Variants in LRBA observed in about 807,000 individuals in gnomAD.
LRBA encodes the protein LPS responsive beige-like anchor protein, also known as lipopolysaccharide-responsive and beige-like anchor protein.
Under a neutral mutation model 330.0 loss-of-function variants are expected in LRBA, and 176 were observed. The ratio of observed to expected loss-of-function variants is 0.53; its 90% CI spans 0.47 to 0.60. The LOEUF is 0.60. LRBA is among the 20% of genes least tolerant of loss of function. LRBA has a pLI of 0.00. For synonymous variants in LRBA, 1,230 were observed against 1,193.0 expected (o/e 1.03, Z -0.64); for missense variants, 3,259 against 3,444.8 (o/e 0.95, Z 1.35).
rs149399395 is a variant in LRBA, at chr4:150,410,699, A to ATAG, written c.7194+4736_7194+4738dup. ...TATTGTCTCTTATTCATCGAATCTA[A>ATAG]TAGTGCTGGTCCATAAGCAAGCACC... On this transcript the variant is annotated intron_variant, in intron 47 of 56. Transcript: ENST00000651943. 1.3e-3 allele frequency among the ~76,000 whole-genome samples: 196 copies of ATAG among 152,300 alleles called. 3 individuals carry two copies. In the East Asian group the frequency reaches 0.036, roughly 28 times the overall value.
chr4:150,588,602 T>C (rs1156437147), intron 39 of LRBA, among the ~76,000 whole-genome samples: 4 of 152,180 alleles, frequency 2.6e-5, no homozygotes, highest in Non-Finnish European at 5.9e-5. Context: ...TAGCTTACAG[T>C]ATGGTAGAGG....
intron 47 of LRBA, among the ~76,000 whole-genome samples, chr4:150,362,469 C>T (rs796372011): frequency 2.0e-5 from 3 of 152,292 alleles, no homozygotes; most frequent in African/African-American, 7.2e-5. Flanking sequence ...TCACTGCTCT[C>T]CTTAAAACTT....
intron 42 of LRBA, among the ~76,000 whole-genome samples, chr4:150,478,595 G>A (rs908066138): frequency 8.6e-5 from 13 of 152,034 alleles, no homozygotes; most frequent in East Asian, 1.9e-4. Flanking sequence ...AATAGGCTCC[G>A]GTCTTATATA....
chr4:150,425,141 T>A (rs530952207), intron 46 of LRBA, among the ~76,000 whole-genome samples: 1 of 152,246 alleles, frequency 6.6e-6, no homozygotes, highest in Admixed American at 6.5e-5. Context: ...AAATTATCTC[T>A]TTTGACAGAT....
At chr4:150,831,781 A>T in intron 29 of LRBA, 36 bp downstream of exon 29, 1 of 1,493,040 alleles carries the variant, frequency 6.7e-7, no homozygotes, top group African/African-American at 1.4e-5. Context: ...CATTTATTTG[A>T]ACTTTGGTAC....
chr4:150,677,771 C>A (rs1338211644), intron 37 of LRBA, among the ~76,000 whole-genome samples: 3 of 150,234 alleles, frequency 2.0e-5, no homozygotes, highest in Non-Finnish European at 3.0e-5. Context: ...GCCACTGCAT[C>A]CAGCCTAGGT....
chr4:150,681,895 G>A (rs1783085724), intron 37 of LRBA, among the ~76,000 whole-genome samples: 1 of 151,922 alleles, frequency 6.6e-6, no homozygotes, highest in Admixed American at 6.6e-5. Flanking sequence ...ACATTTCATG[G>A]TCCATTTAGC....
chr4:150,991,874 A>G (rs1324837509), intron 2 of LRBA, among the ~76,000 whole-genome samples: 1 of 152,232 alleles, frequency 6.6e-6, no homozygotes, highest in East Asian at 1.9e-4. Flanking sequence ...TGATCTAATG[A>G]GAGAAATATA....
At chr4:150,847,242 TCAA>T (rs1384506854) in intron 26 of LRBA, among the ~76,000 whole-genome samples, 1 of 152,116 alleles carries the variant, frequency 6.6e-6, no homozygotes, top group Non-Finnish European at 1.5e-5. Flanking sequence ...ACCGTGAAAA[TCAA>T]CAATGACAAA....
intron 2 of LRBA, among the ~76,000 whole-genome samples, chr4:150,982,140 A>C (rs1407320412): frequency 6.6e-6 from 1 of 152,186 alleles, no homozygotes; most frequent in East Asian, 1.9e-4. Flanking sequence ...GAAAAATAGA[A>C]GACCCACCAT....
chr4:150,552,876 T>G (rs1353104678), intron 40 of LRBA, among the ~76,000 whole-genome samples: 1 of 151,760 alleles, frequency 6.6e-6, no homozygotes, highest in African/African-American at 2.4e-5. Flanking sequence ...GAGACCATCC[T>G]GGATAGCACG....
chr4:150,643,870 G>C (rs1264522770), intron 37 of LRBA, among the ~76,000 whole-genome samples: 1 of 151,760 alleles, frequency 6.6e-6, no homozygotes, highest in East Asian at 1.9e-4. Context: ...ATTTTTATTG[G>C]AACAGAGCCA....
At chr4:150,300,998 T>C (rs1729604672) in intron 53 of LRBA, among the ~76,000 whole-genome samples, 2 of 152,032 alleles carry the variant, frequency 1.3e-5, no homozygotes, top group African/African-American at 4.8e-5. Flanking sequence ...TGAAATACCT[T>C]ACATTTTTAA....
intron 48 of LRBA, among the ~76,000 whole-genome samples, chr4:150,331,330 G>T (rs547021678): frequency 3.4e-4 from 52 of 152,310 alleles, no homozygotes; most frequent in Non-Finnish European, 6.5e-4. Flanking sequence ...AGCAAGGTGG[G>T]TTGGTAATAG....
chr4:150,321,240 T>G lies in LRBA; in HGVS notation c.7581A>C (p.Thr2527=), dbSNP rs749115823. 5 of 1,611,240 alleles carry G rather than the reference T, an allele frequency of 3.1e-6. No individual in the cohort carries two copies. ...CCGCAAATAACCTGTTAGCAGTGACTGTGATCACAGCGGGAGTTGCCAAAC... is the reference window on the plus strand; with the variant it reads ...CCGCAAATAACCTGTTAGCAGTGACGGTGATCACAGCGGGAGTTGCCAAAC... The part of the protein sequence containing the change: ...QPGLATPAVI[T]VTANRLFAVN... The change falls in exon 50 of 57, where the codon ACA becomes ACC. Residue 2527 remains threonine, a synonymous_variant. Coordinates refer to ENST00000651943, the MANE Select transcript of LRBA (RefSeq NM_001364905.1). The surrounding 1 kb of genome is among the most constrained non-coding windows in gnomAD (Gnocchi z 4.5).
chr4:150,559,914 ATATATAAATATAAAT>A (rs1768070825), intron 40 of LRBA, among the ~76,000 whole-genome samples: 2 of 70,084 alleles, frequency 2.9e-5, no homozygotes, highest in African/African-American at 5.6e-5. Context: ...ATTATATATA[ATATATAAATATAAAT>A]ATATATATAT....
rs114284826 is a variant in LRBA, at chr4:150,825,708, A to G, written c.5171+2472T>C. Among the ~76,000 whole-genome samples, 650 of 152,210 alleles carry G rather than the reference A, an allele frequency of 4.3e-3. 4 individuals are homozygous for G. Among genetic ancestry groups the G allele is most frequent in the African/African-American group, 0.015 (629 of 41,524 alleles). On this transcript the variant is annotated intron_variant, in intron 30 of 56. Coordinates refer to ENST00000651943, the MANE Select transcript of LRBA (RefSeq NM_001364905.1). ...CTCTCCCAGTTCTCATATATTTTTC[A>G]TCATGTTTACTGCAATATTATAAAC...
At chr4:150,639,588 CAAAAAAA>C (rs879128535) in intron 37 of LRBA, among the ~76,000 whole-genome samples, 4 of 46,266 alleles carry the variant, frequency 8.6e-5, no homozygotes, top group Non-Finnish European at 1.8e-4. Flanking sequence ...GCAGAAGGAG[CAAAAAAA>C]AAAAAAAAAA....
chr4:150,501,851 T>G (rs1760324484), intron 40 of LRBA, among the ~76,000 whole-genome samples: 1 of 152,122 alleles, frequency 6.6e-6, no homozygotes, highest in Non-Finnish European at 1.5e-5. Context: ...TATTAAATAT[T>G]AAGCAATAAA....
Sources: allele counts gnomAD v4.1 joint callset (sites outside exome capture counted in the v4.1 genomes callset), GRCh38; gene constraint gnomAD v4.1.1; non-coding constraint Gnocchi (gnomAD v3.1); transcripts MANE v1.5; gene names NCBI Gene and HGNC (gene_info 2026-07-23, HGNC 2026-07-21).